The following TBC1D8 variants were observed in gnomAD, a reference collection of about 807,000 sequenced individuals.
TBC1D8 encodes the protein TBC1 domain family member 8, also known as BUB2-like protein 1.
TBC1D8 carries 65 observed loss-of-function variants against 118.8 expected under a neutral mutation model. That is an observed-to-expected ratio of 0.55 (90% CI 0.45 to 0.67). The LOEUF (loss-of-function observed/expected upper bound fraction) is 0.67. TBC1D8 is among the 30% of genes least tolerant of loss of function. TBC1D8 has a pLI of 0.00. For synonymous variants in TBC1D8, 566 were observed against 595.8 expected (o/e 0.95, Z 0.73); for missense variants, 1,376 against 1,471.2 (o/e 0.94, Z 1.06).
intron 1 of TBC1D8, among the ~76,000 whole-genome samples, chr2:101,108,961 C>T (rs1677405710): frequency 6.6e-6 from 1 of 152,146 alleles, no homozygotes; most frequent in South Asian, 2.1e-4. Context: ...ATGGGGTATA[C>T]CAGAACCCTC....
At chr2:101,038,006 C>T (rs1050903073) in intron 7 of TBC1D8, among the ~76,000 whole-genome samples, 5 of 152,146 alleles carry the variant, frequency 3.3e-5, no homozygotes, top group Non-Finnish European at 5.9e-5. Context: ...GGACGGCCAC[C>T]CTGAGAAAGC....
At chr2:101,074,350 G>C (rs1224964067) in intron 2 of TBC1D8, among the ~76,000 whole-genome samples, 1 of 152,136 alleles carries the variant, frequency 6.6e-6, no homozygotes, top group African/African-American at 2.4e-5. Flanking sequence ...ACTGATAACA[G>C]ATCACCATTA....
chr2:101,054,266 G>C lies in TBC1D8; in HGVS notation c.473C>G (p.Ala158Gly), dbSNP rs1485186727. 6.3e-7 allele frequency: 1 copy of C among 1,599,116 alleles called. No individual in the cohort carries two copies. The highest frequency in any genetic ancestry group is 8.5e-7 in the Non-Finnish European group (1 of 1,172,966). Residue 158 changes from alanine (A) to glycine (G), a missense_variant, in exon 4 of 20, where the codon GCC (alanine) becomes GGC (glycine). By Grantham distance (60) the Ala-to-Gly change is moderately conservative. Transcript: ENST00000409318. The part of the protein sequence containing the change: ...QEEEPEKFRE[A>G]LVKFEARFNF... ...GAACCTGGCCTCGAACTTCACCAGGGCTTCTCGGAATTTCTCGGGTTCCTC... is the reference window on the plus strand; with the variant it reads ...GAACCTGGCCTCGAACTTCACCAGGCCTTCTCGGAATTTCTCGGGTTCCTC...
At chr2:101,096,840 T>G (rs1213618032) in intron 1 of TBC1D8, among the ~76,000 whole-genome samples, 1 of 150,108 alleles carries the variant, frequency 6.7e-6, no homozygotes, top group East Asian at 2.0e-4. Flanking sequence ...GAATAGAACA[T>G]CCAGCAACTG....
chr2:101,089,925 T>TAAA (rs1254650129), intron 2 of TBC1D8, among the ~76,000 whole-genome samples: 27 of 139,698 alleles, frequency 1.9e-4, no homozygotes, highest in African/African-American at 6.5e-4. Context: ...CGATGGTTTT[T>TAAA]AAAAAAAAAA....
chr2:101,098,354 G>A (rs1222401893), intron 1 of TBC1D8, among the ~76,000 whole-genome samples: 1 of 150,476 alleles, frequency 6.6e-6, no homozygotes, highest in African/African-American at 2.5e-5. Context: ...TTTCCAGCCT[G>A]GGCAACAAGA....
intron 3 of TBC1D8, among the ~76,000 whole-genome samples, chr2:101,059,211 CT>C (rs142846099): frequency 0.45 from 62,911 of 139,920 alleles, 14,155 homozygotes; most frequent in Non-Finnish European, 0.51. Flanking sequence ...CCAGCCAAGT[CT>C]TTTTTTTTTT....
intron 18 of TBC1D8, 173 bp downstream of exon 18, chr2:101,011,278 C>G (rs1001344887): frequency 1.4e-6 from 1 of 734,158 alleles, no homozygotes; most frequent in Non-Finnish European, 2.2e-6. Context: ...AGCCACCCAG[C>G]AACACCCCCA....
intron 17 of TBC1D8, chr2:101,019,768 T>C (rs1441287101): frequency 6.6e-6 from 1 of 152,164 alleles, no homozygotes; most frequent in Non-Finnish European, 1.5e-5. Flanking sequence ...TAGTAATTCA[T>C]TAGAAAGTTA....
At chr2:101,151,070 CGG>C in intron 1 of TBC1D8, 55 bp downstream of exon 1, 1 of 971,726 alleles carries the variant, frequency 1.0e-6, no homozygotes, top group Non-Finnish European at 1.2e-6. Context: ...GCCGCGGGCC[CGG>C]CGGGGTGCGA....
intron 1 of TBC1D8, among the ~76,000 whole-genome samples, chr2:101,095,465 A>G (rs1468298705): frequency 2.4e-5 from 3 of 124,684 alleles, no homozygotes; most frequent in African/African-American, 9.3e-5. Flanking sequence ...ATGTGTTCTC[A>G]TTGTTCAATT....
At chr2:101,046,323 C>T (rs1164457696) in intron 5 of TBC1D8, among the ~76,000 whole-genome samples, 2 of 152,196 alleles carry the variant, frequency 1.3e-5, no homozygotes, top group Non-Finnish European at 2.9e-5. Flanking sequence ...GCACTGAGCA[C>T]CTAAGAGACC....
chr2:101,128,265 C>G (rs1366307870), intron 1 of TBC1D8, among the ~76,000 whole-genome samples: 1 of 152,198 alleles, frequency 6.6e-6, no homozygotes, highest in Admixed American at 6.5e-5. Flanking sequence ...AACAGTAAAC[C>G]TGAAAATGCC....
intron 5 of TBC1D8, among the ~76,000 whole-genome samples, chr2:101,042,180 T>G (rs561337700): frequency 6.6e-6 from 1 of 152,116 alleles, no homozygotes; most frequent in Admixed American, 6.6e-5. Context: ...AGAATGTTGA[T>G]GAGGAGGAAA....
At chr2:101,095,499 G>A (rs868195342) in intron 1 of TBC1D8, among the ~76,000 whole-genome samples, 14 of 147,924 alleles carry the variant, frequency 9.5e-5, no homozygotes, top group African/African-American at 3.2e-4. Flanking sequence ...GAAAACATGC[G>A]GTGTTTGGTT....
chr2:101,045,510 G>A (rs553951665), intron 5 of TBC1D8, among the ~76,000 whole-genome samples: 44 of 152,332 alleles, frequency 2.9e-4, no homozygotes, highest in African/African-American at 6.7e-4. Context: ...CTCAGGCTGC[G>A]TGACAGGCCA....
intron 1 of TBC1D8, among the ~76,000 whole-genome samples, chr2:101,094,759 C>T (rs934088813): frequency 6.6e-6 from 1 of 152,160 alleles, no homozygotes; most frequent in South Asian, 2.1e-4. Flanking sequence ...GGGGTGCTTC[C>T]GGTTTCAGCT....
intron 1 of TBC1D8, among the ~76,000 whole-genome samples, chr2:101,111,916 TAA>T (rs11296257): frequency 0.15 from 21,695 of 146,468 alleles, 1,727 homozygotes; most frequent in East Asian, 0.27. Flanking sequence ...ACCATAGTTT[TAA>T]AAAAAAAAAA....
In TBC1D8 at chr2:101,099,068, C is replaced by A. The variant is rs188423466; in HGVS notation, c.128-8704G>T. On this transcript the variant is annotated intron_variant, in intron 1 of 19. Transcript: ENST00000409318. Reference sequence around the variant, plus strand: ...AAAACCATCCAAAAAAAAAAAAAATCTATGAATCCAGAAGATGGTTTTTTG... The same window carrying A: ...AAAACCATCCAAAAAAAAAAAAAATATATGAATCCAGAAGATGGTTTTTTG... Among the ~76,000 whole-genome samples, 1,127 of 150,108 alleles carry A rather than the reference C, an allele frequency of 7.5e-3. 15 individuals are homozygous for A. Among genetic ancestry groups the A allele is most frequent in the African/African-American group, 0.026 (1,058 of 41,028 alleles).
Sources: allele counts gnomAD v4.1 joint callset (sites outside exome capture counted in the v4.1 genomes callset), GRCh38; gene constraint gnomAD v4.1.1; transcripts MANE v1.5; gene names NCBI Gene and HGNC (gene_info 2026-07-23, HGNC 2026-07-21).